Variants in TUSC3 observed in about 807,000 individuals in gnomAD.
The protein encoded by TUSC3 is tumor suppressor candidate 3, also known as dolichyl-diphosphooligosaccharide--protein glycosyltransferase subunit TUSC3.
In TUSC3, 45 loss-of-function variants were observed where a neutral mutation model predicts 44.8. The observed-to-expected ratio is 1.00, with a 90% CI of 0.79 to 1.29. The LOEUF (loss-of-function observed/expected upper bound fraction) is 1.29, where lower values mean the gene tolerates loss of function less well. TUSC3 is among the 50% of genes most tolerant of loss of function. TUSC3 has a pLI of 0.00. For missense variants in TUSC3, 519 were observed against 437.9 expected (o/e 1.19, Z -1.65); for synonymous variants, 212 against 152.9 (o/e 1.39, Z -2.85).
chr8:15,492,772 C>T (rs1322881870), intron 2 of TUSC3, among the ~76,000 whole-genome samples: 1 of 144,816 alleles, frequency 6.9e-6, no homozygotes, highest in Non-Finnish European at 1.5e-5. Flanking sequence ...TCCCGTTCTC[C>T]ATAAAAAGGA....
the TUSC3 span, among the ~76,000 whole-genome samples, chr8:15,772,291 A>C: frequency 6.6e-6 from 1 of 152,104 alleles, no homozygotes; most frequent in Admixed American, 6.6e-5. Context: ...AAATTGGCCA[A>C]CCTTTAGCTG....
chr8:15,545,008 A>G (rs1390692811), intron 1 of TUSC3, among the ~76,000 whole-genome samples: 2 of 151,830 alleles, frequency 1.3e-5, no homozygotes, highest in Non-Finnish European at 2.9e-5. Context: ...ATATGGTTCT[A>G]TATTTTACAT....
At chr8:15,616,017 G>A (rs1804971697) in intron 1 of TUSC3, among the ~76,000 whole-genome samples, 1 of 152,134 alleles carries the variant, frequency 6.6e-6, no homozygotes, top group Non-Finnish European at 1.5e-5. Flanking sequence ...AAAATTTTGT[G>A]GAGTTGGGGC....
Position 15,455,926 on chromosome 8 carries a change from TCCACTA to T in TUSC3, n.92-27458_92-27453del, listed in dbSNP as rs1383701527. Among the ~76,000 whole-genome samples, 5 of 152,300 alleles carry T rather than the reference TCCACTA, an allele frequency of 3.3e-5. No homozygotes were observed. The East Asian group carries it at 9.7e-4, about 29-fold the overall frequency. On this transcript the variant is annotated intron_variant and non_coding_transcript_variant, in intron 1 of 5. Transcript: ENST00000503191. ...TCCCCATTTATTCCTGCAGATAACA[TCCACTA>T]CTGTAGAAGATAACACTGACCTTCT... is the stretch of plus-strand genomic sequence containing the variant.
intron 1 of TUSC3, among the ~76,000 whole-genome samples, chr8:15,593,013 G>C (rs1269349532): frequency 1.3e-5 from 2 of 152,098 alleles, no homozygotes; most frequent in East Asian, 3.9e-4. Context: ...TTGGGGGTAT[G>C]AACATTTTTG....
At chr8:15,726,377 C>T (rs1487031959) in intron 6 of TUSC3, among the ~76,000 whole-genome samples, 1 of 151,942 alleles carries the variant, frequency 6.6e-6, no homozygotes, top group Non-Finnish European at 1.5e-5. Context: ...TTATGCTATG[C>T]TATTTGTCTT....
the TUSC3 span, among the ~76,000 whole-genome samples, chr8:15,804,693 G>T: frequency 6.6e-6 from 1 of 152,102 alleles, no homozygotes; most frequent in Non-Finnish European, 1.5e-5. Flanking sequence ...GTCTGCTTTT[G>T]TACCAGTACC....
chr8:15,587,088 G>C (rs1803633082), intron 1 of TUSC3, among the ~76,000 whole-genome samples: 1 of 152,024 alleles, frequency 6.6e-6, no homozygotes, highest in South Asian at 2.1e-4. Context: ...TATTAAGGAA[G>C]CTCTGTTTTA....
intron 1 of TUSC3, among the ~76,000 whole-genome samples, chr8:15,460,390 G>GT (rs970152829): frequency 2.0e-5 from 3 of 152,006 alleles, no homozygotes; most frequent in South Asian, 4.2e-4. Flanking sequence ...GGGATTGCTT[G>GT]TTTTTTTATC....
chr8:15,733,114 T>C (rs1178554408), intron 7 of TUSC3, among the ~76,000 whole-genome samples: 1 of 152,172 alleles, frequency 6.6e-6, no homozygotes, highest in Non-Finnish European at 1.5e-5. Context: ...AGATTAATGC[T>C]TTCTGCACAT....
the TUSC3 span, among the ~76,000 whole-genome samples, chr8:15,837,869 G>C: frequency 6.6e-5 from 10 of 152,050 alleles, no homozygotes; most frequent in African/African-American, 2.2e-4. Flanking sequence ...AAGTTATTTT[G>C]ACTTCTTTTA....
intron 1 of TUSC3, among the ~76,000 whole-genome samples, chr8:15,587,400 A>G (rs374113643): frequency 2.3e-4 from 35 of 152,202 alleles, no homozygotes; most frequent in African/African-American, 7.9e-4. Flanking sequence ...AAAAGCATCC[A>G]CTGTCTTTTC....
At chr8:15,438,961 T>C (rs1263330560) in intron 1 of TUSC3, among the ~76,000 whole-genome samples, 1 of 152,154 alleles carries the variant, frequency 6.6e-6, no homozygotes, top group Non-Finnish European at 1.5e-5. Context: ...CAAAACACAG[T>C]GCAGTAGCCA....
chr8:15,635,061 T>A (rs1182609822), intron 2 of TUSC3, among the ~76,000 whole-genome samples: 1 of 152,154 alleles, frequency 6.6e-6, no homozygotes, highest in Non-Finnish European at 1.5e-5. Flanking sequence ...CTAAGCCTTT[T>A]TTTTTTCCCC....
intron 1 of TUSC3, among the ~76,000 whole-genome samples, chr8:15,478,241 C>T (rs182592236): frequency 6.6e-6 from 1 of 152,164 alleles, no homozygotes; most frequent in African/African-American, 2.4e-5. Context: ...GCTGGGATGA[C>T]AGGGGTGAGT....
At chr8:15,482,543 T>C (rs1249704812) in intron 1 of TUSC3, among the ~76,000 whole-genome samples, 2 of 152,212 alleles carry the variant, frequency 1.3e-5, no homozygotes, top group African/African-American at 2.4e-5. Flanking sequence ...TTAATGCTCA[T>C]TGACAATGTA....
intron 1 of TUSC3, among the ~76,000 whole-genome samples, chr8:15,576,393 C>A (rs1803116615): frequency 6.7e-6 from 1 of 148,606 alleles, no homozygotes; most frequent in Non-Finnish European, 1.5e-5. Context: ...ATGTGCCATG[C>A]TGGTGCGCTG....
intron 6 of TUSC3, among the ~76,000 whole-genome samples, chr8:15,682,748 A>G (rs1029421128): frequency 6.7e-6 from 1 of 149,090 alleles, no homozygotes; most frequent in Admixed American, 6.7e-5. Flanking sequence ...TCTCTGGGCC[A>G]TGTGCTTATG....
Position 15,545,893 on chromosome 8 carries a change from A to T in TUSC3, c.138+5325A>T, listed in dbSNP as rs17657794. Among the ~76,000 whole-genome samples the T allele has an allele frequency of 3.4e-3, 518 of 151,904 alleles. 22 individuals carry two copies. The East Asian group carries it at 0.04, about 12-fold the overall frequency. Reference sequence around the variant, plus strand: ...CAGTGATCTTCAGCGTTTATTTGGCATGTCAGACTATCTCAGACTATCAGA... The same window carrying T: ...CAGTGATCTTCAGCGTTTATTTGGCTTGTCAGACTATCTCAGACTATCAGA... On this transcript the variant is annotated intron_variant, in intron 1 of 10. Coordinates refer to ENST00000503731, the MANE Select transcript of TUSC3 (RefSeq NM_006765.4).
Sources: gnomAD v4.1 joint callset for allele counts (sites outside exome capture counted in the v4.1 genomes callset) on GRCh38, gnomAD v4.1.1 for gene constraint, MANE v1.5 for transcripts, NCBI Gene and HGNC (gene_info 2026-07-23, HGNC 2026-07-21) for gene names.